NKD1: variants seen among roughly 807,000 people sequenced by gnomAD.
NKD1 encodes NKD inhibitor of Wnt signaling pathway 1, also known as protein naked cuticle homolog 1.
NKD1 carries 21 observed loss-of-function variants against 56.0 expected under a neutral mutation model. That is an observed-to-expected ratio of 0.38 (90% CI 0.27 to 0.54). NKD1 has a LOEUF of 0.54. Ranked by LOEUF, NKD1 falls within the 20% of genes least tolerant of loss-of-function variation. The pLI is 0.82. For missense variants in NKD1, 578 were observed against 642.7 expected, an observed-to-expected ratio of 0.90 and a Z score of 1.09; for synonymous variants, 263 against 265.7, an observed-to-expected ratio of 0.99 and a Z score of 0.10.
intron 3 of NKD1, among the ~76,000 whole-genome samples, chr16:50,585,075 A>C (rs1961198822): frequency 6.6e-6 from 1 of 152,118 alleles, no homozygotes; most frequent in Non-Finnish European, 1.5e-5. Context: ...GAGAACAGAG[A>C]GGATTCTTTT....
At chr16:50,629,342 G>A (rs186058707) in intron 6 of NKD1, among the ~76,000 whole-genome samples, 11 of 152,206 alleles carry the variant, frequency 7.2e-5, no homozygotes, top group African/African-American at 2.4e-4. Flanking sequence ...TCCTTACTCC[G>A]AATACAATCA....
chr16:50,574,277 G>A, intron 3 of NKD1: 1 of 985,396 alleles, frequency 1.0e-6, no homozygotes, highest in South Asian at 4.7e-5. Flanking sequence ...CACAGGCCTT[G>A]GACAGTGGGG....
intron 6 of NKD1, among the ~76,000 whole-genome samples, chr16:50,626,011 G>A (rs1050294070): frequency 1.3e-5 from 2 of 152,222 alleles, no homozygotes; most frequent in African/African-American, 4.8e-5. Context: ...CTTGGGGGTG[G>A]GGGCACAAAG....
intron 4 of NKD1, among the ~76,000 whole-genome samples, chr16:50,612,491 A>G (rs1961868520): frequency 6.6e-6 from 1 of 152,252 alleles, no homozygotes; most frequent in Non-Finnish European, 1.5e-5. Flanking sequence ...AGGCAGGCCC[A>G]GCAGTCACGA....
At chr16:50,612,021 C>T (rs904829538) in intron 4 of NKD1, among the ~76,000 whole-genome samples, 2 of 152,190 alleles carry the variant, frequency 1.3e-5, no homozygotes, top group East Asian at 3.9e-4. Flanking sequence ...TGCAAAGCTT[C>T]TTTAATCCTG....
At chr16:50,588,251 T>A in intron 3 of NKD1, among the ~76,000 whole-genome samples, 1 of 152,242 alleles carries the variant, frequency 6.6e-6, no homozygotes, top group East Asian at 1.9e-4. Context: ...TTCTTAAAGA[T>A]TTAAATGCTG....
rs1023601137 is a variant in NKD1 at position 50,638,139 on chromosome 16, G to C, written c.*4358G>C. The C allele has an allele frequency of 1.3e-5, 2 of 152,178 alleles. No individual in the cohort carries two copies. Among genetic ancestry groups the C allele is most frequent in the South Asian group, 2.1e-4 (1 of 4,820 alleles). The allele number at this position is 152,178 out of a possible 1,614,324, so 9.4% of individuals were successfully genotyped here. ...AGCCTCTGAAGTGTGGCAGGAGGAGGGGAAGTCTGCCTGCATCTTGGTGTG... is the reference window on the plus strand; with the variant it reads ...AGCCTCTGAAGTGTGGCAGGAGGAGCGGAAGTCTGCCTGCATCTTGGTGTG... On this transcript the variant is annotated 3_prime_UTR_variant, in exon 10 of 10. Coordinates refer to ENST00000268459, the MANE Select transcript of NKD1 (RefSeq NM_033119.5).
Position 50,633,221 on chromosome 16 carries a change from C to T in NKD1, c.853C>T (p.Leu285=), listed in dbSNP as rs756074240. The T allele has an allele frequency of 1.9e-6, 3 of 1,610,552 alleles. No homozygotes were observed. The highest frequency in any genetic ancestry group is 2.2e-5 in the South Asian group (2 of 90,702). ...GSPSVAQKSE[L]PPRTSNPTRS... is the part of the protein sequence containing the mutation. ...CCCTTCCGTGGCCCAGAAGTCAGAA[C>T]TGCCCCCCCGCACCTCCAATCCCAC... is the stretch of plus-strand genomic sequence containing the variant. The change falls in exon 10 of 10, where the codon CTG becomes TTG. Residue 285 remains leucine, a synonymous_variant. Transcript: ENST00000268459. The surrounding 1 kb of genome is among the most constrained non-coding windows in gnomAD (Gnocchi z 4.9).
chr16:50,613,836 C>G (rs1015062107), intron 4 of NKD1, among the ~76,000 whole-genome samples: 3 of 152,208 alleles, frequency 2.0e-5, no homozygotes, highest in African/African-American at 7.2e-5. Flanking sequence ...GGGGCTTCCC[C>G]CTCCCTCCCT....
chr16:50,603,115 T>G (rs1281913194), intron 3 of NKD1, among the ~76,000 whole-genome samples: 1 of 152,236 alleles, frequency 6.6e-6, no homozygotes, highest in Non-Finnish European at 1.5e-5. Context: ...GCATGTTGTC[T>G]ATGTTTTCTC....
Position 50,633,675 on chromosome 16 carries a change from C to T in NKD1, c.1307C>T (p.Pro436Leu), listed in dbSNP as rs1381463704. 3 of 1,601,660 alleles carry T rather than the reference C, an allele frequency of 1.9e-6. No homozygotes were observed. Among genetic ancestry groups the T allele is most frequent in the Admixed American group, 3.4e-5 (2 of 58,516 alleles). ...GGGCGGGAGCACCTGCGGGAGCTGC[C>T]CGCCTTGGTGGTGTATGAGAGCCAG... ...VLGREHLREL[P>L]ALVVYESQAG... The change falls in exon 10 of 10, where the codon CCC (proline) becomes CTC (leucine). Residue 436 changes from proline (P) to leucine (L), a missense_variant. By Grantham distance (98) the Pro-to-Leu change is moderately conservative (BLOSUM62 -3). Transcript: ENST00000268459. The surrounding 1 kb of genome is among the most constrained non-coding windows in gnomAD (Gnocchi z 4.9).
Position 50,632,655 on chromosome 16 carries a change from T to C in NKD1, c.823+247T>C, listed in dbSNP as rs7198686. Among the ~76,000 whole-genome samples the C allele has an allele frequency of 0.63, 95,853 of 151,916 alleles. 30,682 individuals carry two copies. The highest frequency in any genetic ancestry group is 0.67 in the Non-Finnish European group (45,570 of 67,950). On this transcript the variant is annotated intron_variant, in intron 9 of 9. Transcript: ENST00000268459. This position sits in a 1 kb window ranked among gnomAD's most constrained non-coding sequence, Gnocchi z 4.1. Reference sequence around the variant, plus strand: ...TAGCACCCAATGACAAACAACAGTTTTGTGCCCCATCCCAGCCCACCCAAG... The same window carrying C: ...TAGCACCCAATGACAAACAACAGTTCTGTGCCCCATCCCAGCCCACCCAAG...
At chr16:50,595,285 A>C (rs1961450027) in intron 3 of NKD1, among the ~76,000 whole-genome samples, 1 of 152,120 alleles carries the variant, frequency 6.6e-6, no homozygotes, top group Non-Finnish European at 1.5e-5. Context: ...GGACTCTCAG[A>C]GGTTCCTAAA....
rs1489664666 is a variant in NKD1, at chr16:50,633,554, C to T, written c.1186C>T (p.Pro396Ser). 2 of 1,611,312 alleles carry T rather than the reference C, an allele frequency of 1.2e-6. No homozygotes were observed. Among genetic ancestry groups the T allele is most frequent in the East Asian group, 2.2e-5 (1 of 44,836 alleles). The change falls in exon 10 of 10, where the codon CCC becomes TCC. Residue 396 changes from proline to serine, a missense_variant. Transcript: ENST00000268459. This position sits in a 1 kb window ranked among gnomAD's most constrained non-coding sequence, Gnocchi z 4.9. ...ASPALLPSLA[P>S]LGHKKHKHRA... is the part of the protein sequence containing the mutation. ...CCCGGCCCTCCTCCCCTCCCTAGCC[C>T]CCCTCGGGCACAAGAAGCACAAGCA...
intron 3 of NKD1, among the ~76,000 whole-genome samples, chr16:50,570,508 G>T (rs1596712026): frequency 6.6e-6 from 1 of 152,192 alleles, no homozygotes; most frequent in Admixed American, 6.5e-5. Flanking sequence ...TCAGATGCTG[G>T]CCCTGCCACT....
intron 3 of NKD1, among the ~76,000 whole-genome samples, chr16:50,560,862 C>CTATCTATCT (rs1960616176): frequency 6.6e-6 from 1 of 151,828 alleles, no homozygotes; most frequent in South Asian, 2.1e-4. Context: ...ATCTATCTAT[C>CTATCTATCT]TACAGCAGAG....
chr16:50,583,651 A>T (rs1359936658), intron 3 of NKD1, among the ~76,000 whole-genome samples: 1 of 152,228 alleles, frequency 6.6e-6, no homozygotes, highest in Non-Finnish European at 1.5e-5. Flanking sequence ...TGGATAGCTG[A>T]CACAGAGGTG....
chr16:50,553,325 C>T (rs1280607482), intron 3 of NKD1, among the ~76,000 whole-genome samples: 2 of 152,354 alleles, frequency 1.3e-5, no homozygotes, highest in African/African-American at 2.4e-5. Context: ...TCCCCATGGC[C>T]CCGGTTGGCC....
chr16:50,552,606 C>T (rs890788074), intron 3 of NKD1: 13 of 152,242 alleles, frequency 8.5e-5, no homozygotes, highest in Admixed American at 7.8e-4. Context: ...TGAGGTCAGG[C>T]TCTGTCCTAG....
Sources: allele counts gnomAD v4.1 joint callset (sites outside exome capture counted in the v4.1 genomes callset), GRCh38; gene constraint gnomAD v4.1.1; non-coding constraint Gnocchi (gnomAD v3.1); transcripts MANE v1.5; gene names NCBI Gene and HGNC (gene_info 2026-07-23, HGNC 2026-07-21).